The following ARHGEF3 variants were observed in gnomAD, a reference collection of about 807,000 sequenced individuals.
ARHGEF3 encodes 59.8 kDA protein.
In ARHGEF3, 28 loss-of-function variants were observed where a neutral mutation model predicts 63.2. The observed-to-expected ratio is 0.44, with a 90% CI of 0.33 to 0.61. The LOEUF (loss-of-function observed/expected upper bound fraction) is 0.61. ARHGEF3 is among the 20% of genes least tolerant of loss of function. The probability of loss-of-function intolerance (pLI) is 0.03; values close to 1 mark genes in which losing one functional copy is unlikely to be tolerated. For synonymous variants in ARHGEF3, 266 were observed against 254.2 expected, an observed-to-expected ratio of 1.05 and a Z score of -0.44; for missense variants, 533 against 659.3, an observed-to-expected ratio of 0.81 and a Z score of 2.10.
At chr3:56,779,863 A>G (rs1559933328) in intron 1 of ARHGEF3, among the ~76,000 whole-genome samples, 1 of 152,194 alleles carries the variant, frequency 6.6e-6, no homozygotes, top group Non-Finnish European at 1.5e-5. Context: ...AGTTTCTTCA[A>G]CTGAAAAATG....
intron 4 of ARHGEF3, among the ~76,000 whole-genome samples, chr3:56,839,269 T>C (rs1196804142): frequency 5.9e-5 from 9 of 152,230 alleles, no homozygotes; most frequent in African/African-American, 1.7e-4. Flanking sequence ...ATATATATTC[T>C]TGTGTATTAG....
chr3:56,824,414 G>A (rs1161722979), intron 4 of ARHGEF3, among the ~76,000 whole-genome samples: 1 of 152,154 alleles, frequency 6.6e-6, no homozygotes, highest in Non-Finnish European at 1.5e-5. Context: ...ATTGTGCTGA[G>A]CACTTTGTAA....
At chr3:56,884,496 A>G (rs1360333704) in intron 3 of ARHGEF3, among the ~76,000 whole-genome samples, 2 of 152,260 alleles carry the variant, frequency 1.3e-5, no homozygotes, top group African/African-American at 4.8e-5. Context: ...TTCCACTGAA[A>G]CAGTGGTGCA....
At chr3:57,054,908 C>T (rs1160145173) in intron 1 of ARHGEF3, among the ~76,000 whole-genome samples, 1 of 151,766 alleles carries the variant, frequency 6.6e-6, no homozygotes. Flanking sequence ...CCTGGCCTCC[C>T]AAAATGCTGG....
chr3:57,028,730 C>G (rs1027064451), intron 2 of ARHGEF3, among the ~76,000 whole-genome samples: 2 of 127,898 alleles, frequency 1.6e-5, no homozygotes, highest in African/African-American at 3.1e-5. Context: ...AAAAAAGAAC[C>G]CTTTTTCCTC....
rs146965998 is a variant in ARHGEF3, at chr3:56,876,683, A to T, written c.192+5609T>A. Among the ~76,000 whole-genome samples, 255 of 87,400 alleles carry T rather than the reference A, an allele frequency of 2.9e-3. 1 individual carries two copies. Among genetic ancestry groups the T allele is most frequent in the Admixed American group, 0.013 (101 of 7,822 alleles). The allele number at this position is 87,400 out of a possible 152,430, so 57.3% of individuals were successfully genotyped here. ...TTGATGGTTGCAAATCAGCAAAACAAAAAAAAAAATGCAGGAAGAATGTGA... is the reference window on the plus strand; with the variant it reads ...TTGATGGTTGCAAATCAGCAAAACATAAAAAAAAATGCAGGAAGAATGTGA... On this transcript the variant is annotated intron_variant, in intron 4 of 12. Coordinates refer to the ARHGEF3 transcript ENST00000338458.
intron 2 of ARHGEF3, among the ~76,000 whole-genome samples, chr3:57,025,841 C>T (rs1477951421): frequency 6.6e-6 from 1 of 152,164 alleles, no homozygotes; most frequent in Non-Finnish European, 1.5e-5. Flanking sequence ...CACACAGCCT[C>T]GATAGATACT....
At chr3:56,795,655 C>CTCTTTTTTT (rs57400467) in intron 1 of ARHGEF3, among the ~76,000 whole-genome samples, 56 of 130,564 alleles carry the variant, frequency 4.3e-4, no homozygotes, top group Admixed American at 7.0e-4. Context: ...GTCTCTCTCT[C>CTCTTTTTTT]TTTTTTTTTT....
intron 4 of ARHGEF3, among the ~76,000 whole-genome samples, chr3:56,811,757 T>C (rs142778559): frequency 1.9e-4 from 29 of 152,326 alleles, no homozygotes; most frequent in Admixed American, 7.2e-4. Flanking sequence ...CAGAAGCACT[T>C]AGTCACTAGT....
chr3:56,760,121 A>G (rs1384799594), intron 2 of ARHGEF3, among the ~76,000 whole-genome samples: 1 of 152,170 alleles, frequency 6.6e-6, no homozygotes, highest in Non-Finnish European at 1.5e-5. Context: ...TGATACTTCT[A>G]AAAGGCAGGA....
intron 2 of ARHGEF3, among the ~76,000 whole-genome samples, chr3:57,034,070 A>C (rs1295133142): frequency 6.6e-6 from 1 of 151,958 alleles, no homozygotes; most frequent in Non-Finnish European, 1.5e-5. Context: ...AAATAAATTA[A>C]ATTAAATTAA....
At chr3:57,038,067 A>G (rs1704035954) in intron 1 of ARHGEF3, among the ~76,000 whole-genome samples, 1 of 152,164 alleles carries the variant, frequency 6.6e-6, no homozygotes, top group Non-Finnish European at 1.5e-5. Flanking sequence ...ACCATCTCAC[A>G]TGAAGAATCA....
At chr3:56,842,233 T>C (rs1224430554) in intron 4 of ARHGEF3, among the ~76,000 whole-genome samples, 1 of 152,224 alleles carries the variant, frequency 6.6e-6, no homozygotes, top group Non-Finnish European at 1.5e-5. Context: ...GATTGTAAGA[T>C]GCATGTGTAT....
intron 4 of ARHGEF3, among the ~76,000 whole-genome samples, chr3:56,814,948 G>A (rs1006884317): frequency 6.6e-6 from 1 of 151,914 alleles, no homozygotes; most frequent in Admixed American, 6.6e-5. Flanking sequence ...GGGCCACAAA[G>A]TAAGACCTCA....
intron 4 of ARHGEF3, among the ~76,000 whole-genome samples, chr3:56,807,412 T>G (rs1484833478): frequency 6.6e-6 from 1 of 152,198 alleles, no homozygotes; most frequent in African/African-American, 2.4e-5. Flanking sequence ...GTGTTTACAT[T>G]TGAATAAGGA....
At chr3:56,869,271 G>A (rs974516897) in intron 4 of ARHGEF3, among the ~76,000 whole-genome samples, 2 of 152,154 alleles carry the variant, frequency 1.3e-5, no homozygotes, top group Non-Finnish European at 2.9e-5. Flanking sequence ...TCCAAACCTG[G>A]CATTGTGACC....
chr3:56,901,445 G>GTATA (rs745670696), intron 3 of ARHGEF3, among the ~76,000 whole-genome samples: 6 of 149,512 alleles, frequency 4.0e-5, no homozygotes, highest in African/African-American at 1.5e-4. Flanking sequence ...TATACATACT[G>GTATA]TATATATATA....
chr3:56,809,855 C>A (rs1356363090), intron 4 of ARHGEF3, among the ~76,000 whole-genome samples: 1 of 151,958 alleles, frequency 6.6e-6, no homozygotes, highest in Non-Finnish European at 1.5e-5. Flanking sequence ...GCCTCAGACT[C>A]CTGAGTAGCT....
chr3:56,914,663 T>A, intron 3 of ARHGEF3, among the ~76,000 whole-genome samples: 1 of 152,182 alleles, frequency 6.6e-6, no homozygotes, highest in Non-Finnish European at 1.5e-5. Flanking sequence ...AACGGAATAT[T>A]CTTAAAGGAA....
Sources: allele counts gnomAD v4.1 joint callset (sites outside exome capture counted in the v4.1 genomes callset), GRCh38; gene constraint gnomAD v4.1.1; transcripts MANE v1.5; gene names NCBI Gene and HGNC (gene_info 2026-07-23, HGNC 2026-07-21).